Variants in TFEC observed in about 807,000 individuals in gnomAD.
The protein encoded by TFEC is class E basic helix-loop-helix protein 34.
TFEC carries 31 observed loss-of-function variants against 41.6 expected under a neutral mutation model. The observed-to-expected ratio is 0.74, with a 90% confidence interval of 0.56 to 1.01. TFEC has a LOEUF of 1.01. Ranked by LOEUF, TFEC falls within the 50% of genes least tolerant of loss-of-function variation. The pLI is 0.00. For missense variants in TFEC, 402 were observed against 404.1 expected, an observed-to-expected ratio of 0.99 and a Z score of 0.04; for synonymous variants, 143 against 140.6, an observed-to-expected ratio of 1.02 and a Z score of -0.12.
At chr7:116,076,159 C>T (rs890593844) in intron 3 of TFEC, among the ~76,000 whole-genome samples, 1 of 152,102 alleles carries the variant, frequency 6.6e-6, no homozygotes, top group Admixed American at 6.6e-5. Context: ...GGTGGCTAGA[C>T]CCATAAAAGC....
intron 1 of TFEC, among the ~76,000 whole-genome samples, chr7:116,115,967 T>A (rs1324078309): frequency 6.6e-6 from 1 of 151,984 alleles, no homozygotes; most frequent in Non-Finnish European, 1.5e-5. Context: ...ACAGAAAGGA[T>A]AAGTTACTTG....
intron 1 of TFEC, among the ~76,000 whole-genome samples, chr7:116,122,803 GC>G (rs1220538750): frequency 4.1e-4 from 62 of 152,164 alleles, no homozygotes; most frequent in Middle Eastern, 3.4e-3. Flanking sequence ...AGCTGCCTAT[GC>G]CCCTTCCCCC....
At chr7:116,025,647 T>C (rs1795558595) in intron 1 of TFEC, among the ~76,000 whole-genome samples, 1 of 152,186 alleles carries the variant, frequency 6.6e-6, no homozygotes, top group Non-Finnish European at 1.5e-5. Context: ...GGTAGCAAGC[T>C]AAAAATGCTG....
intron 3 of TFEC, among the ~76,000 whole-genome samples, chr7:116,059,738 A>G (rs1322929884): frequency 2.0e-5 from 3 of 152,060 alleles, no homozygotes; most frequent in Admixed American, 2.0e-4. Flanking sequence ...GAAAAATGAT[A>G]TGATCAGCTC....
At chr7:116,066,985 T>C (rs1329088543) in intron 3 of TFEC, among the ~76,000 whole-genome samples, 1 of 152,070 alleles carries the variant, frequency 6.6e-6, no homozygotes, top group Non-Finnish European at 1.5e-5. Flanking sequence ...GAAGTGTATG[T>C]ATTTAAGGAA....
intron 3 of TFEC, among the ~76,000 whole-genome samples, chr7:115,973,966 G>C (rs1793251332): frequency 6.6e-6 from 1 of 151,980 alleles, no homozygotes; most frequent in South Asian, 2.1e-4. Flanking sequence ...GAGAGAGACA[G>C]AGAGAGAGAT....
chr7:116,014,407 A>G (rs972138287), intron 1 of TFEC, among the ~76,000 whole-genome samples: 2 of 152,166 alleles, frequency 1.3e-5, no homozygotes, highest in Admixed American at 6.5e-5. Context: ...TTTGGAATAT[A>G]TGGAAAATGT....
chr7:116,129,586 C>CTT (rs932837265), intron 1 of TFEC, among the ~76,000 whole-genome samples: 1,422 of 106,886 alleles, frequency 0.013, 87 homozygotes, highest in African/African-American at 0.04. Context: ...AATATTCTTA[C>CTT]TTTTTTTTTT....
intron 3 of TFEC, among the ~76,000 whole-genome samples, chr7:115,973,419 T>C (rs1164064540): frequency 6.6e-6 from 1 of 152,014 alleles, no homozygotes; most frequent in Non-Finnish European, 1.5e-5. Context: ...AACAATTCAA[T>C]TGCGATCTTT....
Position 116,079,471 on chromosome 7 carries a change from A to T in TFEC, c.198+31237T>A, listed in dbSNP as rs180690918. ...AAAAGCTCCTAGAACTAATAAATGG[A>T]TTCGGTGATGTTTCAGGATACAAAA... On this transcript the variant is annotated intron_variant, in intron 3 of 8. Coordinates refer to the TFEC transcript ENST00000484212. Among the ~76,000 whole-genome samples the T allele has an allele frequency of 2.6e-3, 401 of 152,152 alleles. 5 individuals carry two copies. Among genetic ancestry groups the T allele is most frequent in the African/African-American group, 9.0e-3 (374 of 41,558 alleles).
intron 3 of TFEC, chr7:115,968,281 C>G: frequency 6.6e-7 from 1 of 1,523,032 alleles, no homozygotes; most frequent in East Asian, 2.5e-5. Flanking sequence ...AAACAATAAC[C>G]AAGAGAACTG....
chr7:116,127,486 ATTGTCTTTTCTCTG>A, intron 1 of TFEC, among the ~76,000 whole-genome samples: 1 of 152,134 alleles, frequency 6.6e-6, no homozygotes, highest in Admixed American at 6.5e-5. Context: ...ACTTACTTCC[ATTGTCTTTTCTCTG>A]TTTCTATTCT....
At chr7:116,118,162 C>T (rs1468204381) in intron 1 of TFEC, among the ~76,000 whole-genome samples, 1 of 151,756 alleles carries the variant, frequency 6.6e-6, no homozygotes, top group Non-Finnish European at 1.5e-5. Context: ...CAGTGACTGC[C>T]TTGACTTGGG....
intron 1 of TFEC, among the ~76,000 whole-genome samples, chr7:115,989,143 C>A (rs1793988709): frequency 6.6e-6 from 1 of 152,028 alleles, no homozygotes; most frequent in Admixed American, 6.6e-5. Flanking sequence ...TAATGTAGGT[C>A]AAAAAGTCAG....
chr7:115,954,700 G>T, intron 4 of TFEC, 58 bp from the exon 5 acceptor site: 1 of 1,348,716 alleles, frequency 7.4e-7, no homozygotes, highest in Non-Finnish European at 1.0e-6. Context: ...ACCCCTCCAG[G>T]CAACATAATT....
At chr7:115,990,938 C>A (rs1794080849) in intron 1 of TFEC, among the ~76,000 whole-genome samples, 1 of 152,008 alleles carries the variant, frequency 6.6e-6, no homozygotes, top group African/African-American at 2.4e-5. Context: ...GTGAGATTCG[C>A]CAAAGTTGAA....
chr7:116,138,939 C>CA lies in TFEC; in HGVS notation c.-69+20850dup, dbSNP rs1464581792. 3.3e-5 allele frequency among the ~76,000 whole-genome samples: 5 copies of CA among 152,282 alleles called. No homozygotes were observed. The East Asian group carries it at 7.7e-4, about 24-fold the overall frequency. Reference sequence around the variant, plus strand: ...CGAGACTGAAATACAATAATAATTGCAACATGGGGATGTTCAATTAGAACT... The same window carrying CA: ...CGAGACTGAAATACAATAATAATTGCAAACATGGGGATGTTCAATTAGAACT... On this transcript the variant is annotated intron_variant, in intron 1 of 8. Transcript: ENST00000484212.
intron 1 of TFEC, among the ~76,000 whole-genome samples, chr7:116,130,639 G>GT (rs1211718177): frequency 6.6e-6 from 1 of 152,128 alleles, no homozygotes; most frequent in Non-Finnish European, 1.5e-5. Flanking sequence ...GGTGGGGACA[G>GT]TTTCCCTTTG....
At chr7:116,040,421 C>T (rs1796008281) in intron 3 of TFEC, among the ~76,000 whole-genome samples, 4 of 151,978 alleles carry the variant, frequency 2.6e-5, no homozygotes, top group Non-Finnish European at 2.9e-5. Context: ...CTTTGGCTTT[C>T]GAAGAGAGAA....
Sources: allele counts gnomAD v4.1 joint callset (sites outside exome capture counted in the v4.1 genomes callset), GRCh38; gene constraint gnomAD v4.1.1; transcripts MANE v1.5; gene names NCBI Gene and HGNC (gene_info 2026-07-23, HGNC 2026-07-21).